Variants in NHSL1 observed in about 807,000 individuals in gnomAD.
The protein encoded by NHSL1 is NHS like 1, also known as NHS-like protein 1.
NHSL1 carries 48 observed loss-of-function variants against 95.0 expected under a neutral mutation model. The ratio of observed to expected loss-of-function variants is 0.51; its 90% CI spans 0.40 to 0.64. The LOEUF (loss-of-function observed/expected upper bound fraction) is 0.64, where lower values mean the gene tolerates loss of function less well. Ranked by LOEUF, NHSL1 falls within the 30% of genes least tolerant of loss-of-function variation. The pLI is 0.00. For missense variants in NHSL1, 1,971 were observed against 2,077.7 expected, an observed-to-expected ratio of 0.95 and a Z score of 1.00; for synonymous variants, 783 against 833.9, an observed-to-expected ratio of 0.94 and a Z score of 1.05.
At chr6:138,570,016 A>T (rs1268036174) in intron 1 of NHSL1, among the ~76,000 whole-genome samples, 2 of 152,206 alleles carry the variant, frequency 1.3e-5, no homozygotes, top group East Asian at 3.9e-4. Flanking sequence ...CTCCCTTCAC[A>T]AGTTGCCCCT....
At chr6:138,603,960 G>C (rs1005185464) in intron 1 of NHSL1, among the ~76,000 whole-genome samples, 4 of 152,096 alleles carry the variant, frequency 2.6e-5, no homozygotes, top group African/African-American at 9.7e-5. Context: ...AGATGTGTCA[G>C]GCACATTGGC....
intron 1 of NHSL1, among the ~76,000 whole-genome samples, chr6:138,561,478 C>G (rs1783406484): frequency 6.6e-6 from 1 of 152,140 alleles, no homozygotes; most frequent in Non-Finnish European, 1.5e-5. Context: ...AGTAGAGTCC[C>G]TCTTCATTCC....
chr6:138,648,198 T>A (rs1344051545), intron 1 of NHSL1, among the ~76,000 whole-genome samples: 1 of 152,102 alleles, frequency 6.6e-6, no homozygotes, highest in Admixed American at 6.6e-5. Flanking sequence ...TTAAAATGCA[T>A]CTATCAATAA....
At chr6:138,622,990 T>C (rs1784685128) in intron 1 of NHSL1, among the ~76,000 whole-genome samples, 1 of 151,972 alleles carries the variant, frequency 6.6e-6, no homozygotes, top group Non-Finnish European at 1.5e-5. Flanking sequence ...GAAAAGGGGA[T>C]ATGGGAAAGT....
In NHSL1 at chr6:138,453,064, TC is replaced by T. The variant is rs530262473; in HGVS notation, c.340-5872del. On this transcript the variant is annotated intron_variant, in intron 3 of 7. Transcript: ENST00000343505. Reference sequence around the variant, plus strand: ...AATCTTGGCTCACTGCATCTCCGCCTCCCAGGTTCAAGCAATTCTCCTGCCT... The same window carrying T: ...AATCTTGGCTCACTGCATCTCCGCCTCCAGGTTCAAGCAATTCTCCTGCCT... Among the ~76,000 whole-genome samples the T allele has an allele frequency of 4.5e-4, 68 of 152,084 alleles. No individual in the cohort carries two copies. In the East Asian group the frequency reaches 0.011, roughly 25 times the overall value.
chr6:138,509,724 C>T (rs1781131351), intron 1 of NHSL1, among the ~76,000 whole-genome samples: 1 of 152,126 alleles, frequency 6.6e-6, no homozygotes, highest in Non-Finnish European at 1.5e-5. Flanking sequence ...TTCTATGATC[C>T]CTGTGCCCTT....
At chr6:138,685,774 C>T (rs904753884) in intron 1 of NHSL1, among the ~76,000 whole-genome samples, 13 of 150,920 alleles carry the variant, frequency 8.6e-5, no homozygotes, top group Non-Finnish European at 1.8e-4. Flanking sequence ...TTTTTTAATC[C>T]CTCATCAAAA....
intron 1 of NHSL1, among the ~76,000 whole-genome samples, chr6:138,671,553 T>A (rs141887495): frequency 6.6e-5 from 10 of 151,692 alleles, no homozygotes; most frequent in Admixed American, 1.3e-4. Flanking sequence ...AGGAAGTCTC[T>A]AGGATGACAG....
intron 1 of NHSL1, among the ~76,000 whole-genome samples, chr6:138,661,597 G>A (rs9484194): frequency 0.04 from 6,007 of 151,600 alleles, 310 homozygotes; most frequent in African/African-American, 0.12. Flanking sequence ...CGGAAGTCAA[G>A]GCTGCAGTAA....
chr6:138,561,215 G>A (rs1160434375), intron 1 of NHSL1, among the ~76,000 whole-genome samples: 1 of 152,120 alleles, frequency 6.6e-6, no homozygotes, highest in East Asian at 1.9e-4. Context: ...TACAATTAGC[G>A]ATGCAAGCAG....
upstream of NHSL1, among the ~76,000 whole-genome samples, chr6:138,576,077 C>T (rs113931595): frequency 0.085 from 12,972 of 152,094 alleles, 533 homozygotes; most frequent in Middle Eastern, 0.14. Context: ...TTGCAACCTT[C>T]GCCTCCCGGG....
chr6:138,478,074 G>C (rs1368713452), intron 2 of NHSL1, among the ~76,000 whole-genome samples: 4 of 120,382 alleles, frequency 3.3e-5, no homozygotes, highest in Non-Finnish European at 6.4e-5. Context: ...GCCCAGGCTG[G>C]AACAGAGTGC....
intron 2 of NHSL1, among the ~76,000 whole-genome samples, chr6:138,478,954 T>C (rs1386229677): frequency 6.6e-6 from 1 of 152,230 alleles, no homozygotes; most frequent in African/African-American, 2.4e-5. Flanking sequence ...CGCTAGATGG[T>C]CATCTGACTC....
At chr6:138,487,736 C>T (rs943761394) in intron 2 of NHSL1, among the ~76,000 whole-genome samples, 1 of 152,184 alleles carries the variant, frequency 6.6e-6, no homozygotes, top group Non-Finnish European at 1.5e-5. Flanking sequence ...TTACCACTGA[C>T]AACACTGCAA....
At chr6:138,497,436 G>C (rs1052510487) in intron 1 of NHSL1, among the ~76,000 whole-genome samples, 2 of 152,136 alleles carry the variant, frequency 1.3e-5, no homozygotes, top group Admixed American at 6.5e-5. Context: ...TCCTGACTCT[G>C]ATCTATGCTA....
chr6:138,553,030 C>A (rs1783067903), intron 1 of NHSL1, among the ~76,000 whole-genome samples: 1 of 152,182 alleles, frequency 6.6e-6, no homozygotes, highest in African/African-American at 2.4e-5. Flanking sequence ...TTACATCTTT[C>A]CAAAAGAACT....
chr6:138,523,492 C>T (rs1039840206), intron 1 of NHSL1, among the ~76,000 whole-genome samples: 3 of 151,560 alleles, frequency 2.0e-5, no homozygotes, highest in Admixed American at 6.6e-5. Flanking sequence ...AACTTTTTGT[C>T]GAGACAGGGT....
chr6:138,425,348 C>T (rs1200140952), intron 7 of NHSL1, among the ~76,000 whole-genome samples: 1 of 152,216 alleles, frequency 6.6e-6, no homozygotes, highest in Non-Finnish European at 1.5e-5. Flanking sequence ...CTGCCTGCCT[C>T]GGCCTCCCAA....
chr6:138,571,038 A>AT (rs1783822101), intron 1 of NHSL1, among the ~76,000 whole-genome samples: 2 of 152,152 alleles, frequency 1.3e-5, no homozygotes, highest in South Asian at 4.1e-4. Flanking sequence ...CAGGACTGGT[A>AT]TTTTTTTTCA....
Sources: allele counts gnomAD v4.1 joint callset (sites outside exome capture counted in the v4.1 genomes callset), GRCh38; gene constraint gnomAD v4.1.1; transcripts MANE v1.5; gene names NCBI Gene and HGNC (gene_info 2026-07-23, HGNC 2026-07-21).